Variants in PAX3 observed in about 807,000 individuals in gnomAD.
PAX3 encodes the protein paired box protein Pax-3.
A neutral mutation model predicts 51.6 loss-of-function variants in PAX3; 14 were observed. The observed-to-expected ratio is 0.27, with a 90% CI of 0.18 to 0.42. The LOEUF (loss-of-function observed/expected upper bound fraction) is 0.42, where lower values mean the gene tolerates loss of function less well. Ranked by LOEUF, PAX3 falls within the 10% of genes least tolerant of loss-of-function variation. PAX3 has a pLI of 1.00. For missense variants in PAX3, 540 were observed against 642.8 expected (o/e 0.84, Z 1.73); for synonymous variants, 280 against 253.4 (o/e 1.11, Z -1.00).
At chr2:222,257,961 G>A (rs575285525) in intron 4 of PAX3, among the ~76,000 whole-genome samples, 2 of 152,234 alleles carry the variant, frequency 1.3e-5, no homozygotes, top group Non-Finnish European at 2.9e-5. Flanking sequence ...CCCTTCTGGG[G>A]AAAAAGGAAG....
At chr2:222,259,872 C>A (rs1285663757) in intron 4 of PAX3, among the ~76,000 whole-genome samples, 2 of 151,702 alleles carry the variant, frequency 1.3e-5, no homozygotes, top group African/African-American at 4.8e-5. Flanking sequence ...CTTCATTTAA[C>A]TTTTCTGATC....
intron 4 of PAX3, among the ~76,000 whole-genome samples, chr2:222,251,852 T>C (rs1182126513): frequency 1.3e-5 from 2 of 152,134 alleles, no homozygotes; most frequent in Non-Finnish European, 2.9e-5. Context: ...TCATTTTTCT[T>C]ACCCATCACA....
intron 4 of PAX3, among the ~76,000 whole-genome samples, chr2:222,271,310 C>T (rs1230444236): frequency 6.6e-6 from 1 of 152,206 alleles, no homozygotes; most frequent in Non-Finnish European, 1.5e-5. Flanking sequence ...GTGGAATAAA[C>T]TTCAAGACCT....
chr2:222,203,762 T>G (rs1691398602), intron 7 of PAX3, among the ~76,000 whole-genome samples: 1 of 152,194 alleles, frequency 6.6e-6, no homozygotes, highest in Admixed American at 6.5e-5. Context: ...AAGTAAAATC[T>G]TCTTGAACTA....
intron 4 of PAX3, among the ~76,000 whole-genome samples, chr2:222,236,095 A>G (rs1692788903): frequency 6.6e-6 from 1 of 152,230 alleles, no homozygotes; most frequent in Non-Finnish European, 1.5e-5. Flanking sequence ...GTGGGCTTTA[A>G]AATATGTAAA....
intron 4 of PAX3, among the ~76,000 whole-genome samples, chr2:222,236,277 A>G (rs1692794887): frequency 6.6e-6 from 1 of 152,154 alleles, no homozygotes; most frequent in African/African-American, 2.4e-5. Context: ...TGTTTGTTTT[A>G]GAGACAGGGT....
At position 222,202,217 on chromosome 2, in the gene PAX3, G is replaced by A. The variant is rs550266255; in HGVS notation, c.1174-27C>T. ...TAAAAAAACAGCCAGATTGGGAAGA[G>A]GTTAAAATGCAGAGAGATCCAGATT... is the stretch of plus-strand genomic sequence containing the variant. On this transcript the variant is annotated intron_variant, in intron 7 of 8. Coordinates refer to ENST00000392070, the MANE Select transcript of PAX3 (RefSeq NM_181458.4). 6.0e-6 allele frequency: 9 copies of A among 1,490,116 alleles called. No individual in the cohort carries two copies. The South Asian group carries it at 9.5e-5, about 16-fold the overall frequency. The allele number at this position is 1,490,116 out of a possible 1,614,324, so 92.3% of individuals were successfully genotyped here.
intron 4 of PAX3, among the ~76,000 whole-genome samples, chr2:222,255,055 T>A (rs1040325741): frequency 2.6e-5 from 4 of 152,204 alleles, no homozygotes; most frequent in African/African-American, 9.7e-5. Context: ...AGTACTGGGA[T>A]TACAGGCTTG....
chr2:222,201,877 T>C (rs759042262), intron 8 of PAX3, 67 bp downstream of exon 8: 11 of 1,613,886 alleles, frequency 6.8e-6, no homozygotes, highest in African/African-American at 1.3e-5. Context: ...AATTCACCTT[T>C]CTTAAGGAAG....
intron 4 of PAX3, among the ~76,000 whole-genome samples, chr2:222,260,300 C>T (rs1693794525): frequency 1.3e-5 from 2 of 151,886 alleles, no homozygotes; most frequent in Admixed American, 6.6e-5. Flanking sequence ...CCTGGGAGGT[C>T]GAGGCTACAG....
chr2:222,297,161 G>C lies in PAX3; in HGVS notation c.138C>G (p.Ile46Met). 1 of 1,605,402 alleles carries C rather than the reference G, an allele frequency of 6.2e-7. No individual in the cohort carries two copies. Among genetic ancestry groups the C allele is most frequent in the South Asian group, 1.1e-5 (1 of 89,796 alleles). Residue 46 changes from isoleucine (I) to methionine (M), a missense_variant, in exon 2 of 9, where the codon ATC (isoleucine) becomes ATG (methionine). Ile to Met is a conservative substitution (Grantham distance 10). Transcript: ENST00000392070. ...TGTGGTTGGGCAGCGGCCTGCCGTT[G>C]ATAAAAACACCGCCGAGCTGGTTGA... is the stretch of plus-strand genomic sequence containing the variant. ...GRVNQLGGVF[I>M]NGRPLPNHIR...
rs114549318 is a variant in PAX3 at position 222,244,977 on chromosome 2, G to A, written c.587-12694C>T. 9.8e-3 allele frequency among the ~76,000 whole-genome samples: 1,487 copies of A among 151,942 alleles called. 26 individuals are homozygous for A. The highest frequency in any genetic ancestry group is 0.034 in the African/African-American group (1,401 of 41,434). On this transcript the variant is annotated intron_variant, in intron 4 of 8. Transcript: ENST00000392070. The stretch of plus-strand genomic sequence containing the variant: ...AGCCTGGCCAATGAGGCAAAATCCC[G>A]TCTCTAATGAAGATACAAAAATTAG...
At chr2:222,204,773 A>C (rs1469723864) in intron 7 of PAX3, among the ~76,000 whole-genome samples, 1 of 152,194 alleles carries the variant, frequency 6.6e-6, no homozygotes, top group East Asian at 1.9e-4. Flanking sequence ...AAATAAAAGG[A>C]AAATAAACTC....
intron 7 of PAX3, among the ~76,000 whole-genome samples, chr2:222,203,859 T>C (rs1691402366): frequency 6.6e-6 from 1 of 150,646 alleles, no homozygotes; most frequent in South Asian, 2.1e-4. Context: ...TATCCACTCT[T>C]CCTCCATTTT....
At chr2:222,225,599 C>T (rs555472843) in intron 5 of PAX3, among the ~76,000 whole-genome samples, 1 of 152,260 alleles carries the variant, frequency 6.6e-6, no homozygotes, top group East Asian at 1.9e-4. Context: ...TGAATCTCAG[C>T]TCCTCATTTA....
At chr2:222,295,498 G>T (rs1695247914) in intron 3 of PAX3, 30 bp downstream of exon 3, 4 of 1,613,522 alleles carry the variant, frequency 2.5e-6, no homozygotes, top group Non-Finnish European at 2.5e-6. Flanking sequence ...TGACTGTCGC[G>T]CCTCGGGGAG....
At chr2:222,244,453 T>C (rs1054224984) in intron 4 of PAX3, among the ~76,000 whole-genome samples, 6 of 152,158 alleles carry the variant, frequency 3.9e-5, no homozygotes, top group Non-Finnish European at 5.9e-5. Context: ...GGAAAGGAGA[T>C]AGTTTGCAAA....
chr2:222,256,280 C>T (rs1693641710), intron 4 of PAX3, among the ~76,000 whole-genome samples: 1 of 152,164 alleles, frequency 6.6e-6, no homozygotes, highest in African/African-American at 2.4e-5. Context: ...AAGATTTTCT[C>T]TGTTTACAAA....
At chr2:222,284,688 C>T (rs1476101432) in intron 4 of PAX3, among the ~76,000 whole-genome samples, 1 of 152,030 alleles carries the variant, frequency 6.6e-6, no homozygotes, top group Non-Finnish European at 1.5e-5. Context: ...GCTTTATCTG[C>T]CCTTGGGCAG....
Sources: allele counts gnomAD v4.1 joint callset (sites outside exome capture counted in the v4.1 genomes callset), GRCh38; gene constraint gnomAD v4.1.1; transcripts MANE v1.5; gene names NCBI Gene and HGNC (gene_info 2026-07-23, HGNC 2026-07-21).